AGXT2: variants seen among roughly 807,000 people sequenced by gnomAD.
The protein encoded by AGXT2 is alanine--glyoxylate aminotransferase 2, also known as alanine--glyoxylate aminotransferase 2, mitochondrial.
A neutral mutation model predicts 62.5 loss-of-function variants in AGXT2; 61 were observed. That is an observed-to-expected ratio of 0.98 (90% CI 0.79 to 1.21). The LOEUF (loss-of-function observed/expected upper bound fraction) is 1.21, where lower values mean the gene tolerates loss of function less well. Ranked by LOEUF, AGXT2 falls within the 50% of genes most tolerant of loss-of-function variation. The probability of loss-of-function intolerance (pLI) is 0.00; values close to 1 mark genes in which losing one functional copy is unlikely to be tolerated. For synonymous variants in AGXT2, 243 were observed against 218.7 expected (o/e 1.11, Z -0.98); for missense variants, 666 against 641.5 (o/e 1.04, Z -0.41).
intron 12 of AGXT2, among the ~76,000 whole-genome samples, chr5:35,004,766 G>A (rs1446540962): frequency 6.6e-6 from 1 of 152,116 alleles, no homozygotes; most frequent in African/African-American, 2.4e-5. Flanking sequence ...CCCCTCTAGT[G>A]TGCCCAGTTT....
chr5:35,003,697 A>G, intron 13 of AGXT2, 66 bp downstream of exon 13: 2 of 1,448,892 alleles, frequency 1.4e-6, no homozygotes. Context: ...AGAAACTGTG[A>G]CCAGCATTAG....
intron 10 of AGXT2, 70 bp downstream of exon 10, chr5:35,013,917 A>G: frequency 6.2e-7 from 1 of 1,607,624 alleles, no homozygotes; most frequent in South Asian, 1.1e-5. Flanking sequence ...CACAAGTTCC[A>G]ACACACGTGT....
chr5:35,003,545 C>G (rs1016436349), intron 13 of AGXT2, among the ~76,000 whole-genome samples: 1 of 152,014 alleles, frequency 6.6e-6, no homozygotes, highest in Admixed American at 6.6e-5. Context: ...CACTCAGCGC[C>G]CCCTAGTGGC....
chr5:35,032,548 G>A (rs550648959), intron 7 of AGXT2, among the ~76,000 whole-genome samples, 184 bp downstream of exon 7: 3 of 152,336 alleles, frequency 2.0e-5, no homozygotes, highest in Non-Finnish European at 2.9e-5. Flanking sequence ...TGAGAGTGAA[G>A]TGATAGCAGA....
intron 8 of AGXT2, chr5:35,026,150 G>C: frequency 1.7e-6 from 1 of 593,838 alleles, no homozygotes; most frequent in Admixed American, 3.0e-5. Flanking sequence ...TTATTAAGCA[G>C]CTAAAAATGG....
At chr5:34,998,849 GAAAACAAATCATCAGAGAA>G in intron 13 of AGXT2, 23 bp from the exon 14 acceptor site, 2 of 1,509,250 alleles carry the variant, frequency 1.3e-6, no homozygotes, top group Non-Finnish European at 1.8e-6. Flanking sequence ...CAAAAAATAA[GAAAACAAATCATCAGAGAA>G]TCAAATATGA....
chr5:35,032,861 G>A (rs887886074), intron 6 of AGXT2, 36 bp from the exon 7 acceptor site: 10 of 1,555,796 alleles, frequency 6.4e-6, no homozygotes. Context: ...GGCAAAGCAT[G>A]AACACAAGAC....
At chr5:35,014,580 C>A (rs372795201) in intron 9 of AGXT2, among the ~76,000 whole-genome samples, 1 of 151,864 alleles carries the variant, frequency 6.6e-6, no homozygotes, top group African/African-American at 2.4e-5. Context: ...ATGGACAAAG[C>A]GCTTAATTTG....
intron 5 of AGXT2, among the ~76,000 whole-genome samples, chr5:35,034,843 G>A (rs962365109): frequency 6.6e-6 from 1 of 152,128 alleles, no homozygotes; most frequent in African/African-American, 2.4e-5. Flanking sequence ...AAATAGGCCG[G>A]TATTTTTTGG....
At chr5:35,026,561 G>A (rs776285740) in intron 7 of AGXT2, 51 bp from the exon 8 acceptor site, 3 of 1,482,644 alleles carry the variant, frequency 2.0e-6, no homozygotes, top group Non-Finnish European at 2.8e-6. Flanking sequence ...TTGAAAATGT[G>A]AGCCTGATAT....
chr5:35,022,378 G>C (rs570782204), intron 9 of AGXT2, among the ~76,000 whole-genome samples: 42 of 152,118 alleles, frequency 2.8e-4, no homozygotes, highest in South Asian at 6.2e-4. Flanking sequence ...ATACACCATG[G>C]AATACTATGC....
rs371386767 is a variant in AGXT2 at position 35,025,783 on chromosome 5, C to T, written c.943G>A (p.Gly315Ser). Reference protein sequence around the residue: ...EAFELVRARGGVCIADEVQTG... With the variant: ...EAFELVRARGSVCIADEVQTG... ...CTTACTTCATCTGCAATGCACACGCCTCCCCTTGCTCGCACCAGCTCAAAG... is the reference window on the plus strand; with the variant it reads ...CTTACTTCATCTGCAATGCACACGCTTCCCCTTGCTCGCACCAGCTCAAAG... Residue 315 changes from glycine to serine, a missense_variant, in exon 9 of 14, where the codon GGC (glycine) becomes AGC (serine). Gly to Ser is a moderately conservative substitution (Grantham distance 56). Transcript: ENST00000231420. 5 of 1,614,016 alleles carry T rather than the reference C, an allele frequency of 3.1e-6. No individual in the cohort carries two copies. In the African/African-American group the frequency reaches 5.3e-5, roughly 17 times the overall value.
chr5:35,045,351 C>G (rs529490982), intron 1 of AGXT2, among the ~76,000 whole-genome samples: 5 of 152,182 alleles, frequency 3.3e-5, no homozygotes, highest in Non-Finnish European at 5.9e-5. Context: ...TTATATTTTT[C>G]TATTCCCTTT....
rs977875130 is a variant in AGXT2 at position 35,026,001 on chromosome 5, G to A, written c.871-146C>T. On this transcript the variant is annotated intron_variant, in intron 8 of 13. Transcript: ENST00000231420. ...AGTCTGTAGAACAGTTTCCACTGTG[G>A]GTGAAAAGAGGACTTATTACTCTAT... is the stretch of plus-strand genomic sequence containing the variant. 4 of 725,890 alleles carry A rather than the reference G, an allele frequency of 5.5e-6. No individual in the cohort carries two copies. In the African/African-American group the frequency reaches 7.0e-5, roughly 13 times the overall value. 45.0% of individuals were successfully genotyped at this position (725,890 alleles called of 1,614,324 possible).
chr5:35,046,668 C>G (rs1768220406), intron 1 of AGXT2, among the ~76,000 whole-genome samples: 1 of 152,098 alleles, frequency 6.6e-6, no homozygotes, highest in Non-Finnish European at 1.5e-5. Context: ...TTTCAAAAAA[C>G]TGCAATTTTC....
At chr5:35,021,041 G>A (rs1335402233) in intron 9 of AGXT2, among the ~76,000 whole-genome samples, 3 of 152,174 alleles carry the variant, frequency 2.0e-5, no homozygotes, top group African/African-American at 7.2e-5. Context: ...TCTTCAAGGA[G>A]AACTACAAAC....
chr5:35,020,506 T>A (rs1258608125), intron 9 of AGXT2, among the ~76,000 whole-genome samples: 1 of 152,146 alleles, frequency 6.6e-6, no homozygotes, highest in Non-Finnish European at 1.5e-5. Flanking sequence ...AGAAAAGGCC[T>A]TTGACAAAAT....
intron 1 of AGXT2, among the ~76,000 whole-genome samples, chr5:35,047,471 G>A (rs1768280928): frequency 6.6e-6 from 1 of 151,956 alleles, no homozygotes; most frequent in Admixed American, 6.6e-5. Flanking sequence ...ATCATCCTTG[G>A]GCATCTGTAA....
intron 1 of AGXT2, among the ~76,000 whole-genome samples, chr5:35,042,033 G>C (rs1007229186): frequency 6.6e-6 from 1 of 151,838 alleles, no homozygotes; most frequent in Non-Finnish European, 1.5e-5. Flanking sequence ...TTCTGAGATG[G>C]AAAAAAAATT....
Sources: allele counts gnomAD v4.1 joint callset (sites outside exome capture counted in the v4.1 genomes callset), GRCh38; gene constraint gnomAD v4.1.1; transcripts MANE v1.5; gene names NCBI Gene and HGNC (gene_info 2026-07-23, HGNC 2026-07-21).